Variants in WFDC1 observed in about 807,000 individuals in gnomAD.
The protein encoded by WFDC1 is WAP four-disulfide core domain 1, also known as WAP four-disulfide core domain protein 1.
WFDC1 carries 39 observed loss-of-function variants against 32.9 expected under a neutral mutation model. The ratio of observed to expected loss-of-function variants is 1.19; its 90% CI spans 0.92 to 1.55. The LOEUF (loss-of-function observed/expected upper bound fraction) is 1.55, where lower values mean the gene tolerates loss of function less well. WFDC1 is among the 40% of genes most tolerant of loss of function. The pLI is 0.00. For missense variants in WFDC1, 386 were observed against 309.5 expected, an observed-to-expected ratio of 1.25 and a Z score of -1.85; for synonymous variants, 184 against 137.4, an observed-to-expected ratio of 1.34 and a Z score of -2.37.
intron 2 of WFDC1, among the ~76,000 whole-genome samples, chr16:84,314,373 G>C (rs1053874459): frequency 6.6e-6 from 1 of 152,100 alleles, no homozygotes; most frequent in Non-Finnish European, 1.5e-5. Flanking sequence ...TAGGATTTGC[G>C]GCAAGGAAGT....
intron 2 of WFDC1, chr16:84,315,988 G>A (rs1907924185): frequency 6.6e-6 from 1 of 152,222 alleles, no homozygotes; most frequent in Non-Finnish European, 1.5e-5. Flanking sequence ...GGGGAGCCCG[G>A]ACCAAGTTTC....
chr16:84,311,046 G>T (rs1162597176), intron 1 of WFDC1, among the ~76,000 whole-genome samples: 1 of 152,178 alleles, frequency 6.6e-6, no homozygotes, highest in African/African-American at 2.4e-5. Context: ...AACTCTGTGT[G>T]TGTGTGCAAA....
chr16:84,322,790 T>C (rs1787913092), intron 4 of WFDC1, among the ~76,000 whole-genome samples: 1 of 152,198 alleles, frequency 6.6e-6, no homozygotes, highest in African/African-American at 2.4e-5. Context: ...GAGAGTGGGT[T>C]CAGGGAAAAT....
chr16:84,326,860 CAG>C lies in WFDC1; in HGVS notation c.605-19_605-18del. On this transcript the variant is annotated intron_variant, in intron 5 of 6. Coordinates refer to ENST00000219454, the MANE Select transcript of WFDC1 (RefSeq NM_021197.4). ...GCAGGAATAGATACATCTACCCCAA[CAG>C]AGCTGTGTTCTTTTCACAGAAGGTG... The C allele has an allele frequency of 6.2e-7, 1 of 1,613,986 alleles. No homozygotes were observed. Among genetic ancestry groups the C allele is most frequent in the Non-Finnish European group, 8.5e-7 (1 of 1,179,964 alleles).
At chr16:84,313,202 CAG>C in intron 2 of WFDC1, 49 bp downstream of exon 2, 1 of 1,360,750 alleles carries the variant, frequency 7.3e-7, no homozygotes, top group Non-Finnish European at 9.4e-7. Flanking sequence ...GACAGGTGAA[CAG>C]AGCTGTCCCG....
chr16:84,327,031 G>A (rs374632054), intron 6 of WFDC1, 76 bp downstream of exon 6: 22 of 1,467,936 alleles, frequency 1.5e-5, no homozygotes, highest in Non-Finnish European at 2.0e-5. Flanking sequence ...TCACCACCAG[G>A]TTGAGGAGCA....
intron 1 of WFDC1, among the ~76,000 whole-genome samples, chr16:84,298,036 G>C (rs1381556848): frequency 6.6e-6 from 1 of 152,158 alleles, no homozygotes; most frequent in Non-Finnish European, 1.5e-5. Flanking sequence ...GAACTGGCTT[G>C]CACCCCCTCT....
intron 1 of WFDC1, among the ~76,000 whole-genome samples, chr16:84,303,360 G>A (rs897457434): frequency 1.3e-5 from 2 of 152,066 alleles, no homozygotes; most frequent in African/African-American, 4.8e-5. Context: ...GGGGTGGTGA[G>A]CACTGAGGGA....
rs201848335 is a variant in WFDC1, at chr16:84,313,141, C to T, written c.325C>T (p.Pro109Ser). ...CGCCTACGCCTGCCTAGAAGCTGTG[C>T]CGCCCCCGCCAGGTAGGTCCTGGGC... ...GCAYACLEAV[P>S]PPPVLDWLVQ... The change falls in exon 2 of 7, where the codon CCG becomes TCG. Residue 109 changes from proline (P) to serine (S), a missense_variant. Transcript: ENST00000219454. The T allele has an allele frequency of 1.4e-6, 2 of 1,432,380 alleles. No individual in the cohort carries two copies. The highest frequency in any genetic ancestry group is 1.5e-5 in the African/African-American group (1 of 66,576). The allele number at this position is 1,432,380 out of a possible 1,614,324, so 88.7% of individuals were successfully genotyped here. A position where few individuals can be genotyped will look rare whatever the true frequency, so the allele number is the denominator to read the frequency against.
rs767782907 is a variant in WFDC1, at chr16:84,320,531, A to C, written c.562+960A>C. Among the ~76,000 whole-genome samples, 21 of 152,378 alleles carry C rather than the reference A, an allele frequency of 1.4e-4. 1 individual carries two copies. Among genetic ancestry groups the C allele is most frequent in the Non-Finnish European group, 2.9e-4 (20 of 68,040 alleles). On this transcript the variant is annotated intron_variant, in intron 4 of 6. Transcript: ENST00000219454. ...TCTCATTGGCATAATTTTCCCAAGA[A>C]AAGAAAGAACAATGGCACAGCGATT...
chr16:84,313,738 C>G (rs931487993), intron 2 of WFDC1, among the ~76,000 whole-genome samples: 1 of 152,178 alleles, frequency 6.6e-6, no homozygotes, highest in Non-Finnish European at 1.5e-5. Flanking sequence ...GGGGCGTGCC[C>G]CAGAGAGGAG....
At chr16:84,302,463 C>T (rs1001798537) in intron 1 of WFDC1, among the ~76,000 whole-genome samples, 1 of 152,140 alleles carries the variant, frequency 6.6e-6, no homozygotes, top group Admixed American at 6.5e-5. Context: ...CTTGTGAGTC[C>T]TCTGTGTCCC....
intron 5 of WFDC1, 55 bp from the exon 6 acceptor site, chr16:84,326,827 G>A (rs545872703): frequency 1.9e-6 from 3 of 1,607,786 alleles, no homozygotes; most frequent in Non-Finnish European, 8.5e-7. Context: ...GCCACGGGGG[G>A]CATTAGAGCA....
chr16:84,297,632 A>AC lies in WFDC1; in HGVS notation c.144+2517_144+2518insC, dbSNP rs1567648395. 2.0e-5 allele frequency among the ~76,000 whole-genome samples: 3 copies of AC among 147,562 alleles called. No homozygotes were observed. The East Asian group carries it at 5.8e-4, about 29-fold the overall frequency. ...AACTCTGTCTCAAAAAAAAAAAAAAAAAAAAAAAAAAAAAACTGTGCCTCA... is the reference window on the plus strand; with the variant it reads ...AACTCTGTCTCAAAAAAAAAAAAAAACAAAAAAAAAAAAAAACTGTGCCTCA... On this transcript the variant is annotated intron_variant, in intron 1 of 6. Transcript: ENST00000219454.
intron 1 of WFDC1, among the ~76,000 whole-genome samples, chr16:84,297,418 G>A (rs892480326): frequency 2.0e-5 from 3 of 152,100 alleles, no homozygotes; most frequent in African/African-American, 7.2e-5. Flanking sequence ...AGGAGTTCAA[G>A]ACCAGCCTGA....
intron 5 of WFDC1, among the ~76,000 whole-genome samples, chr16:84,325,174 C>A (rs1041749373): frequency 6.6e-6 from 1 of 151,250 alleles, no homozygotes; most frequent in Admixed American, 6.6e-5. Flanking sequence ...ATACATACAT[C>A]CTTTCACTTA....
rs548962725 is a variant in WFDC1, at chr16:84,303,434, T to A, written c.144+8319T>A. Among the ~76,000 whole-genome samples, 187 of 151,860 alleles carry A rather than the reference T, an allele frequency of 1.2e-3. 3 individuals are homozygous for A. Among genetic ancestry groups the A allele is most frequent in the South Asian group, 5.6e-3 (27 of 4,802 alleles). On this transcript the variant is annotated intron_variant, in intron 1 of 6. Coordinates refer to ENST00000219454, the MANE Select transcript of WFDC1 (RefSeq NM_021197.4). The stretch of plus-strand genomic sequence containing the variant: ...ATTCTTTTTCCCTAAATGGAAGTGG[T>A]TTATAAATTCTTCTACTGATTATTA...
At chr16:84,328,719 C>G (rs1041944338) in intron 6 of WFDC1, 3 of 152,078 alleles carry the variant, frequency 2.0e-5, no homozygotes, top group Admixed American at 1.3e-4. Context: ...CCGAAGCAGG[C>G]ATATGGTATA....
At position 84,312,978 on chromosome 16, in the gene WFDC1, GCCCGGCGGCC is replaced by G; in HGVS notation, c.169_178del (p.Gly57SerfsTer46). 1 of 1,171,050 alleles carries G rather than the reference GCCCGGCGGCC, an allele frequency of 8.5e-7. No homozygotes were observed. The highest frequency in any genetic ancestry group is 1.1e-6 in the Non-Finnish European group (1 of 949,730). The allele number at this position is 1,171,050 out of a possible 1,614,324, so 72.5% of individuals were successfully genotyped here. On this transcript the variant is annotated frameshift_variant, in exon 2 of 7. Transcript: ENST00000219454. LOFTEE classifies it high-confidence loss of function. ...CCCCGCAGGCCGAGGAGGCGGGCGC[GCCCGGCGGCC>G]CCCGGCAGCCCCGAGCAGACCGCTG...
Sources: allele counts gnomAD v4.1 joint callset (sites outside exome capture counted in the v4.1 genomes callset), GRCh38; gene constraint gnomAD v4.1.1; transcripts MANE v1.5; gene names NCBI Gene and HGNC (gene_info 2026-07-23, HGNC 2026-07-21).